The following NAB2 variants were observed in gnomAD, a reference collection of about 807,000 sequenced individuals.
NAB2 encodes the protein NGFI-A binding protein 2.
Under a neutral mutation model 44.2 loss-of-function variants are expected in NAB2, and 9 were observed. That is an observed-to-expected ratio of 0.20 (90% confidence interval 0.12 to 0.36). The LOEUF (loss-of-function observed/expected upper bound fraction) is 0.36, where lower values mean the gene tolerates loss of function less well. Among genes scored for constraint, NAB2 ranks in the 10% least tolerant of loss-of-function variants. The pLI, the probability that NAB2 is intolerant of heterozygous loss-of-function variation, is 1.00. For missense variants in NAB2, 514 were observed against 709.0 expected (o/e 0.73, Z 3.12); for synonymous variants, 342 against 291.0 (o/e 1.18, Z -1.78).
At chr12:57,092,731 C>G in intron 3 of NAB2, 150 bp downstream of exon 3, 1 of 1,321,652 alleles carries the variant, frequency 7.6e-7, no homozygotes, top group Non-Finnish European at 1.0e-6. Context: ...CAGGTCTGGT[C>G]TCTCCTCCCA....
At chr12:57,092,830 AAC>A (rs2033220650) in intron 3 of NAB2, 85 bp from the exon 4 acceptor site, 2 of 1,526,692 alleles carry the variant, frequency 1.3e-6, no homozygotes, top group South Asian at 1.1e-5. Context: ...GGTTTTAAAT[AAC>A]ACATGCCTCT....
In NAB2 at chr12:57,091,441, G is replaced by C. The variant is rs1164381974; in HGVS notation, c.400G>C (p.Ala134Pro). Residue 134 changes from alanine (A) to proline (P), a missense_variant, in exon 2 of 7, where the codon GCG becomes CCG. Ala to Pro is a conservative substitution (Grantham distance 27). Transcript: ENST00000300131. The surrounding 1 kb of genome is among the most constrained non-coding windows in gnomAD (Gnocchi z 7.3). Reference protein sequence around the residue: ...SIPLFKISETAGTRKGSMSNG... With the variant: ...SIPLFKISETPGTRKGSMSNG... ...CCCGCTCTTCAAGATCTCTGAGACT[G>C]CGGGTACCCGGAAAGGGAGCATGAG... 1 of 1,614,104 alleles carries C rather than the reference G, an allele frequency of 6.2e-7. No individual in the cohort carries two copies. Among genetic ancestry groups the C allele is most frequent in the Non-Finnish European group, 8.5e-7 (1 of 1,180,050 alleles).
intron 6 of NAB2, among the ~76,000 whole-genome samples, chr12:57,094,145 G>A (rs1018970185): frequency 5.9e-5 from 9 of 151,874 alleles, no homozygotes; most frequent in Non-Finnish European, 1.3e-4. Context: ...GGGACTGGAA[G>A]GGGGGCTCTT....
chr12:57,092,793 C>T, intron 3 of NAB2, 124 bp from the exon 4 acceptor site: 4 of 1,394,576 alleles, frequency 2.9e-6, no homozygotes, highest in Non-Finnish European at 4.0e-6. Context: ...GAACTAGAGA[C>T]TCTTTCTCGG....
Position 57,091,629 on chromosome 12 carries a change from G to T in NAB2, c.588G>T (p.Gly196=). The T allele has an allele frequency of 1.9e-6, 3 of 1,605,612 alleles. No homozygotes were observed. Among genetic ancestry groups the T allele is most frequent in the Non-Finnish European group, 2.6e-6 (3 of 1,175,056 alleles). Residue 196 remains glycine, a synonymous_variant, in exon 2 of 7, where the codon GGG becomes GGT. Transcript: ENST00000300131. The surrounding 1 kb of genome is among the most constrained non-coding windows in gnomAD (Gnocchi z 7.3). ...PGRSTPESDV[G]AGGEEEAGSP... ...GGAGCACTCCAGAGTCGGACGTTGG[G>T]GCAGGAGGAGAAGAGGAGGCTGGCT...
chr12:57,092,339 C>T (rs936671936), intron 2 of NAB2, 109 bp from the exon 3 acceptor site: 7 of 1,454,780 alleles, frequency 4.8e-6, no homozygotes, highest in Admixed American at 1.9e-5. Flanking sequence ...CCAAAGCAAG[C>T]GTCTGATGGA....
chr12:57,092,072 C>T (rs534763511), intron 2 of NAB2, 74 bp downstream of exon 2: 17 of 1,523,516 alleles, frequency 1.1e-5, no homozygotes, highest in Admixed American at 2.1e-5. Context: ...CGAGTTTCTA[C>T]AGTCTCCGAC....
In NAB2 at chr12:57,091,617, G is replaced by A. The variant is rs1428047933; in HGVS notation, c.576G>A (p.Glu192=). The A allele has an allele frequency of 1.9e-6, 3 of 1,604,850 alleles. No homozygotes were observed. The highest frequency in any genetic ancestry group is 2.6e-6 in the Non-Finnish European group (3 of 1,174,728). ...TCTGGCCAGGCCGGAGCACTCCAGAGTCGGACGTTGGGGCAGGAGGAGAAG... is the reference window on the plus strand; with the variant it reads ...TCTGGCCAGGCCGGAGCACTCCAGAATCGGACGTTGGGGCAGGAGGAGAAG... ...PRIWPGRSTP[E]SDVGAGGEEE... is the part of the protein sequence containing the mutation. The change falls in exon 2 of 7, where the codon GAG becomes GAA. Residue 192 remains glutamate (E), a synonymous_variant. Transcript: ENST00000300131. The surrounding 1 kb of genome is among the most constrained non-coding windows in gnomAD (Gnocchi z 7.3).
In NAB2 at chr12:57,093,484, C is replaced by G. The variant is rs765290829; in HGVS notation, c.1354C>G (p.Arg452Gly). ...LALPAHGLWSRHILQQTLMDE... is the reference protein window; with the variant it reads ...LALPAHGLWSGHILQQTLMDE... ...ATTGCCAGCCCATGGGCTATGGAGC[C>G]GACACATCCTGCAGCAGACACTGAT... The change falls in exon 6 of 7, where the codon CGA becomes GGA. Residue 452 changes from arginine (R) to glycine (G), a missense_variant. By Grantham distance (125) the Arg-to-Gly change is moderately radical (BLOSUM62 -2). Coordinates refer to ENST00000300131, the MANE Select transcript of NAB2 (RefSeq NM_005967.4). The G allele has an allele frequency of 6.3e-7, 1 of 1,597,200 alleles. No individual in the cohort carries two copies. Among genetic ancestry groups the G allele is most frequent in the Non-Finnish European group, 8.5e-7 (1 of 1,172,964 alleles).
chr12:57,092,351 G>A, intron 2 of NAB2, 97 bp from the exon 3 acceptor site: 1 of 1,494,826 alleles, frequency 6.7e-7, no homozygotes, highest in South Asian at 1.3e-5. Context: ...TCTGATGGAT[G>A]GGCCTCATTT....
chr12:57,094,904 G>GA lies in NAB2; in HGVS notation c.*184dup. On this transcript the variant is annotated 3_prime_UTR_variant, in exon 7 of 7. Coordinates refer to ENST00000300131, the MANE Select transcript of NAB2 (RefSeq NM_005967.4). The stretch of plus-strand genomic sequence containing the variant: ...AAGCAATAACAAGCAGAGGCCTGGA[G>GA]AGAGGACACAAGGAGGGTGCGTGGT... 1 of 605,376 alleles carries GA rather than the reference G, an allele frequency of 1.7e-6. No homozygotes were observed. Among genetic ancestry groups the GA allele is most frequent in the East Asian group, 2.8e-5 (1 of 35,588 alleles). The allele number at this position is 605,376 out of a possible 1,614,324, so 37.5% of individuals were successfully genotyped here. A position where few individuals can be genotyped will look rare whatever the true frequency, so the allele number is the denominator to read the frequency against.
intron 1 of NAB2, among the ~76,000 whole-genome samples, 180 bp downstream of exon 1, chr12:57,089,534 C>G (rs2033129420): frequency 6.6e-6 from 1 of 152,152 alleles, no homozygotes; most frequent in Admixed American, 6.5e-5. Flanking sequence ...AGGCAAGCAT[C>G]TGATGAAGCT....
intron 2 of NAB2, 47 bp from the exon 3 acceptor site, chr12:57,092,401 G>T: frequency 6.2e-7 from 1 of 1,604,820 alleles, no homozygotes; most frequent in South Asian, 1.1e-5. Flanking sequence ...TGGTGAGGCA[G>T]CGGGGAAGTT....
intron 1 of NAB2, among the ~76,000 whole-genome samples, 200 bp from the exon 2 acceptor site, chr12:57,090,925 A>G (rs2033171929): frequency 6.6e-6 from 1 of 152,204 alleles, no homozygotes; most frequent in Admixed American, 6.5e-5. Context: ...CCAGTCTAGG[A>G]CGGCACTGGC....
At chr12:57,089,493 G>T (rs2033127808) in intron 1 of NAB2, 139 bp downstream of exon 1, 1 of 728,942 alleles carries the variant, frequency 1.4e-6, no homozygotes, top group South Asian at 1.8e-5. Context: ...GGAAAAGGGG[G>T]TGCGTCTTCG....
chr12:57,090,328 A>G (rs1446587709), intron 1 of NAB2, among the ~76,000 whole-genome samples: 1 of 152,154 alleles, frequency 6.6e-6, no homozygotes, highest in Non-Finnish European at 1.5e-5. Context: ...TACTAAAAAT[A>G]CAAAAATTAG....
chr12:57,092,215 G>A (rs1388381312), intron 2 of NAB2: 12 of 1,039,090 alleles, frequency 1.2e-5, no homozygotes, highest in Non-Finnish European at 1.4e-5. Context: ...GAGCTGTTCA[G>A]CTCCTTGTCA....
intron 5 of NAB2, 69 bp downstream of exon 5, chr12:57,093,264 A>G: frequency 6.7e-7 from 1 of 1,494,910 alleles, no homozygotes; most frequent in Non-Finnish European, 8.9e-7. Context: ...TTGGGGGAGG[A>G]GTGAGCCAGG....
Position 57,093,408 on chromosome 12 carries a change from T to G in NAB2, c.1278T>G (p.Ala426=). Residue 426 remains alanine, a splice_region_variant and synonymous_variant, in exon 6 of 7, where the codon GCT becomes GCG. Transcript: ENST00000300131. Reference sequence around the variant, plus strand: ...CCTGACCAGTGCCCATGCCCACAGCTGTGGGGTCATGTCCAAGGCTGACGC... The same window carrying G: ...CCTGACCAGTGCCCATGCCCACAGCGGTGGGGTCATGTCCAAGGCTGACGC... The part of the protein sequence containing the change: ...SGESLDGHLQ[A]VGSCPRLTPP... The G allele has an allele frequency of 6.4e-7, 1 of 1,567,826 alleles. No individual in the cohort carries two copies. Among genetic ancestry groups the G allele is most frequent in the Non-Finnish European group, 8.6e-7 (1 of 1,158,266 alleles).
Sources: gnomAD v4.1 joint callset for allele counts (sites outside exome capture counted in the v4.1 genomes callset) on GRCh38, gnomAD v4.1.1 for gene constraint, Gnocchi (gnomAD v3.1) non-coding constraint, MANE v1.5 for transcripts, NCBI Gene and HGNC (gene_info 2026-07-23, HGNC 2026-07-21) for gene names.